The following SUGCT variants were observed in gnomAD, a reference collection of about 807,000 sequenced individuals.
SUGCT encodes succinyl-CoA:glutarate CoA-transferase.
Under a neutral mutation model 55.0 loss-of-function variants are expected in SUGCT, and 41 were observed. That is an observed-to-expected ratio of 0.74 (90% CI 0.58 to 0.97). The LOEUF is 0.97. Among genes scored for constraint, SUGCT ranks in the 50% least tolerant of loss-of-function variants. The pLI, the probability that SUGCT is intolerant of heterozygous loss-of-function variation, is 0.00. For missense variants in SUGCT, 568 were observed against 547.8 expected, an observed-to-expected ratio of 1.04 and a Z score of -0.37; for synonymous variants, 187 against 200.4, an observed-to-expected ratio of 0.93 and a Z score of 0.56.
chr7:40,659,070 T>C (rs1474677884), intron 12 of SUGCT, among the ~76,000 whole-genome samples: 1 of 152,178 alleles, frequency 6.6e-6, no homozygotes, highest in Non-Finnish European at 1.5e-5. Flanking sequence ...AGTCTCTGCT[T>C]ATGAATGCAC....
chr7:40,150,024 C>T (rs10267954), intron 1 of SUGCT, among the ~76,000 whole-genome samples: 58,738 of 151,876 alleles, frequency 0.39, 12,755 homozygotes, highest in Middle Eastern at 0.59. Context: ...ACCCGAGAGG[C>T]GGAGGTTGCA....
chr7:40,775,714 G>A (rs1356631004), intron 13 of SUGCT: 1 of 152,180 alleles, frequency 6.6e-6, no homozygotes, highest in Non-Finnish European at 1.5e-5. Flanking sequence ...TGTAAGGTGA[G>A]TGGATTATTT....
chr7:40,966,702 G>C, the SUGCT span: 1 of 152,190 alleles, frequency 6.6e-6, no homozygotes, highest in African/African-American at 2.4e-5. Flanking sequence ...CTGTTGTCCA[G>C]CCTTCACAAA....
At chr7:40,393,735 C>A (rs775302359) in intron 9 of SUGCT, among the ~76,000 whole-genome samples, 1 of 152,126 alleles carries the variant, frequency 6.6e-6, no homozygotes, top group Admixed American at 6.6e-5. Flanking sequence ...GGTCTACAGA[C>A]CCATTTCTTT....
chr7:40,942,720 C>A, the SUGCT span, among the ~76,000 whole-genome samples: 2 of 151,952 alleles, frequency 1.3e-5, no homozygotes, highest in Non-Finnish European at 2.9e-5. Context: ...GGATAATTTA[C>A]ATAATGCCAT....
At chr7:40,371,713 G>T (rs1323775765) in intron 9 of SUGCT, among the ~76,000 whole-genome samples, 1 of 111,050 alleles carries the variant, frequency 9.0e-6, no homozygotes, top group Non-Finnish European at 2.0e-5. Context: ...TTTTGGTATT[G>T]TTTCCTTATT....
At chr7:40,145,765 C>T (rs1373585116) in intron 1 of SUGCT, among the ~76,000 whole-genome samples, 2 of 152,192 alleles carry the variant, frequency 1.3e-5, no homozygotes, top group Non-Finnish European at 2.9e-5. Flanking sequence ...TCTGTAAGTA[C>T]TTCAAGGCTT....
At chr7:40,534,669 T>A (rs1794265948) in intron 12 of SUGCT, among the ~76,000 whole-genome samples, 1 of 152,238 alleles carries the variant, frequency 6.6e-6, no homozygotes, top group Non-Finnish European at 1.5e-5. Context: ...TCCACCCACC[T>A]AGGCCTCCCA....
chr7:40,318,222 T>TG, intron 9 of SUGCT, among the ~76,000 whole-genome samples: 1 of 152,246 alleles, frequency 6.6e-6, no homozygotes, highest in Non-Finnish European at 1.5e-5. Flanking sequence ...TTTCAGATTC[T>TG]GCTACCTTTG....
At chr7:40,176,252 G>C (rs1329645762) in intron 1 of SUGCT, among the ~76,000 whole-genome samples, 3 of 151,900 alleles carry the variant, frequency 2.0e-5, no homozygotes. Flanking sequence ...TTAGTGAGTA[G>C]TCAAATTCCC....
chr7:40,276,817 G>GTC (rs1554300320), intron 8 of SUGCT, among the ~76,000 whole-genome samples: 278 of 150,570 alleles, frequency 1.8e-3, no homozygotes, highest in African/African-American at 6.0e-3. Context: ...GTGTGTGTGT[G>GTC]TGTCTGTCTG....
chr7:40,843,044 TC>T (rs1793354730), intron 13 of SUGCT, among the ~76,000 whole-genome samples: 1 of 152,072 alleles, frequency 6.6e-6, no homozygotes. Context: ...AATCAGTCCC[TC>T]ATTCACTCCC....
At chr7:40,228,135 C>A (rs1368218294) in intron 6 of SUGCT, among the ~76,000 whole-genome samples, 1 of 152,010 alleles carries the variant, frequency 6.6e-6, no homozygotes, top group African/African-American at 2.4e-5. Context: ...ATCCCGCCTC[C>A]ACCTCCCAAG....
intron 9 of SUGCT, among the ~76,000 whole-genome samples, chr7:40,385,132 GCA>G (rs1374709554): frequency 6.6e-6 from 1 of 152,096 alleles, no homozygotes; most frequent in East Asian, 1.9e-4. Flanking sequence ...TTTTAATTTG[GCA>G]CTGCTAGAAT....
At chr7:41,001,053 C>T in the SUGCT span, among the ~76,000 whole-genome samples, 3 of 152,090 alleles carry the variant, frequency 2.0e-5, no homozygotes, top group Admixed American at 6.6e-5. Context: ...ACAGACAAGT[C>T]GGGAGTGGTC....
chr7:40,309,359 A>G (rs943195360), intron 8 of SUGCT, among the ~76,000 whole-genome samples: 1 of 152,020 alleles, frequency 6.6e-6, no homozygotes, highest in African/African-American at 2.4e-5. Flanking sequence ...CTATAGTGCA[A>G]TGGCTCTATC....
chr7:40,272,752 C>T (rs149952487), intron 7 of SUGCT, among the ~76,000 whole-genome samples: 7 of 151,534 alleles, frequency 4.6e-5, no homozygotes, highest in South Asian at 2.1e-4. Context: ...CTCCGCCTCC[C>T]GGGTTCAAGC....
At chr7:40,517,193 A>T (rs971444563) in intron 12 of SUGCT, among the ~76,000 whole-genome samples, 1 of 148,532 alleles carries the variant, frequency 6.7e-6, no homozygotes, top group African/African-American at 2.5e-5. Context: ...GTATCTTTCT[A>T]TCATGCTAAA....
chr7:40,707,542 T>C (rs1372845519), intron 12 of SUGCT, among the ~76,000 whole-genome samples: 3 of 152,222 alleles, frequency 2.0e-5, no homozygotes, highest in African/African-American at 7.2e-5. Context: ...TCTGGCTCTT[T>C]GCATTTTAGT....
Sources: allele counts gnomAD v4.1 joint callset (sites outside exome capture counted in the v4.1 genomes callset), GRCh38; gene constraint gnomAD v4.1.1; transcripts MANE v1.5; gene names NCBI Gene and HGNC (gene_info 2026-07-23, HGNC 2026-07-21).